The following A2M variants were observed in gnomAD, a reference collection of about 807,000 sequenced individuals.
The protein encoded by A2M is alpha-2-macroglobulin, also known as C3 and PZP-like alpha-2-macroglobulin domain-containing protein 5.
Under a neutral mutation model 183.9 loss-of-function variants are expected in A2M, and 128 were observed. The ratio of observed to expected loss-of-function variants is 0.70; its 90% CI spans 0.60 to 0.81. A2M has a LOEUF of 0.81. A2M is among the 30% of genes least tolerant of loss of function. The pLI, the probability that A2M is intolerant of heterozygous loss-of-function variation, is 0.00. For missense variants in A2M, 1,495 were observed against 1,787.6 expected (o/e 0.84, Z 2.95); for synonymous variants, 592 against 670.8 (o/e 0.88, Z 1.81).
intron 35 of A2M, 29 bp downstream of exon 35, chr12:9,068,154 T>G (rs1169855209): frequency 6.2e-7 from 1 of 1,611,646 alleles, no homozygotes; most frequent in Admixed American, 1.7e-5. Flanking sequence ...GAGCTCTGAC[T>G]GCCTTTTGGA....
rs1292403534 is a variant in A2M at position 9,093,699 on chromosome 12, AAGG to A, written c.2126-123_2126-121del. Reference sequence around the variant, plus strand: ...CAAATCGTCTGATGAAATAGAGAGGAAGGAGGAGAGGGCGCTTGGGTCATCAAG... The same window carrying A: ...CAAATCGTCTGATGAAATAGAGAGGAAGGAGAGGGCGCTTGGGTCATCAAG... On this transcript the variant is annotated intron_variant, in intron 17 of 35. Transcript: ENST00000318602. 5.2e-5 allele frequency: 30 copies of A among 580,120 alleles called. No homozygotes were observed. In the African/African-American group the frequency reaches 5.3e-4, roughly 10 times the overall value. 35.9% of individuals were successfully genotyped at this position (580,120 alleles called of 1,614,324 possible). A position where few individuals can be genotyped will look rare whatever the true frequency, so the allele number is the denominator to read the frequency against.
intron 2 of A2M, 90 bp from the exon 3 acceptor site, chr12:9,112,626 C>G: frequency 7.0e-7 from 1 of 1,433,494 alleles, no homozygotes; most frequent in Non-Finnish European, 9.6e-7. Context: ...GAGATCTTGC[C>G]CTTCTTACTT....
chr12:9,113,903 C>G (rs1019465471), intron 1 of A2M, among the ~76,000 whole-genome samples: 1 of 152,176 alleles, frequency 6.6e-6, no homozygotes, highest in African/African-American at 2.4e-5. Flanking sequence ...TAAGCAAGCT[C>G]TCAGTCATGC....
chr12:9,079,835 G>C lies in A2M; in HGVS notation c.2855-20C>G. On this transcript the variant is annotated intron_variant, in intron 23 of 35. Transcript: ENST00000318602. ...TGTCTCCTAGAGAATGGGAGAGATGGGAAGTCATAAAGCTTGGAGATTATC... is the reference window on the plus strand; with the variant it reads ...TGTCTCCTAGAGAATGGGAGAGATGCGAAGTCATAAAGCTTGGAGATTATC... 1 of 1,555,614 alleles carries C rather than the reference G, an allele frequency of 6.4e-7. No homozygotes were observed.
intron 5 of A2M, 80 bp from the exon 6 acceptor site, chr12:9,110,115 G>A: frequency 6.8e-7 from 1 of 1,477,672 alleles, no homozygotes; most frequent in Non-Finnish European, 9.2e-7. Flanking sequence ...GAAACCCTAA[G>A]TTATCTACAA....
intron 22 of A2M, among the ~76,000 whole-genome samples, chr12:9,087,068 CAAG>C (rs1432689898): frequency 5.9e-5 from 9 of 151,914 alleles, no homozygotes; most frequent in Non-Finnish European, 8.8e-5. Flanking sequence ...TAAATCTAAT[CAAG>C]GAGGTGAAAT....
intron 4 of A2M, 32 bp from the exon 5 acceptor site, chr12:9,110,366 T>C: frequency 7.5e-7 from 1 of 1,326,500 alleles, no homozygotes; most frequent in Non-Finnish European, 1.0e-6. Context: ...AAGTTTATAA[T>C]TATTTTCAAA....
rs987589858 is a variant in A2M at position 9,072,438 on chromosome 12, C to A, written c.4024G>T (p.Ala1342Ser). The A allele has an allele frequency of 5.0e-6, 8 of 1,613,334 alleles. No individual in the cohort carries two copies. The African/African-American group carries it at 1.1e-4, about 22-fold the overall frequency. ...TGAGGCAGAGTCTGCACTCCTAAAG[C>A]AAAGGGGAACTCTTCCTTTTCTGGG... ...ILPEKEEFPF[A>S]LGVQTLPQTC... The change falls in exon 31 of 36, where the codon GCT (alanine) becomes TCT (serine). Residue 1342 changes from alanine to serine, a missense_variant. By Grantham distance (99) the Ala-to-Ser change is moderately conservative (BLOSUM62 1). Transcript: ENST00000318602.
At chr12:9,111,868 T>A (rs1209260250) in intron 4 of A2M, 4 of 444,822 alleles carry the variant, frequency 9.0e-6, no homozygotes, top group African/African-American at 8.0e-5. Flanking sequence ...TTGAGGATTT[T>A]TCTGTGTCTG....
At chr12:9,108,405 C>T (rs1176869771) in intron 7 of A2M, among the ~76,000 whole-genome samples, 1 of 152,154 alleles carries the variant, frequency 6.6e-6, no homozygotes, top group South Asian at 2.1e-4. Flanking sequence ...GGATTACAGG[C>T]GTGAGCCACC....
chr12:9,107,799 A>G (rs1460268108), intron 7 of A2M, among the ~76,000 whole-genome samples, 155 bp from the exon 8 acceptor site: 1 of 152,198 alleles, frequency 6.6e-6, no homozygotes, highest in Non-Finnish European at 1.5e-5. Flanking sequence ...AAGAGTCACT[A>G]ATGGCTCTTA....
chr12:9,091,226 A>G lies in A2M; in HGVS notation c.2444T>C (p.Leu815Pro). 10 of 1,614,204 alleles carry G rather than the reference A, an allele frequency of 6.2e-6. No individual in the cohort carries two copies. Among genetic ancestry groups the G allele is most frequent in the Non-Finnish European group, 8.5e-6 (10 of 1,180,034 alleles). Residue 815 changes from leucine to proline, a missense_variant, in exon 19 of 36, where the codon CTA becomes CCA. Coordinates refer to ENST00000318602, the MANE Select transcript of A2M (RefSeq NM_000014.6). ...CCGGATGCATTTGGGAAGGTAGTTT[A>G]GGACCGTGGCCTTGAGTGTGAAGGC... ...GEAFTLKATV[L>P]NYLPKCIRVS... is the part of the protein sequence containing the mutation.
In A2M at chr12:9,109,946, G is replaced by A; in HGVS notation, c.594C>T (p.Pro198=). The A allele has an allele frequency of 1.2e-6, 2 of 1,614,012 alleles. No individual in the cohort carries two copies. The highest frequency in any genetic ancestry group is 2.2e-5 in the South Asian group (2 of 91,054). Residue 198 remains proline (P), a synonymous_variant, in exon 6 of 36, where the codon CCC becomes CCT. Coordinates refer to ENST00000318602, the MANE Select transcript of A2M (RefSeq NM_000014.6). ...CCACCACCTTGTAGGAGCCCTGGAA[G>A]GGCTCTGATGAGAGGGGAAAAGAAA... ...KQFSFPLSSE[P]FQGSYKVVVQ...
chr12:9,116,040 GC>G, upstream of A2M: 1 of 626,152 alleles, frequency 1.6e-6, no homozygotes, highest in Non-Finnish European at 3.0e-6. Flanking sequence ...GTCATTGATG[GC>G]CTATTTATAG....
Position 9,106,300 on chromosome 12 carries a change from A to T in A2M, c.1040T>A (p.Ile347Lys). ...CACTTTCACAAATGAGAGTTTGGTT[A>T]TGGTTCTTGTGATTTCACTGGACTG... The part of the protein sequence containing the change: ...GRQSSEITRT[I>K]TKLSFVKVDS... The change falls in exon 10 of 36, where the codon ATA becomes AAA. Residue 347 changes from isoleucine (I) to lysine (K), a missense_variant. Physicochemically the swap from Ile to Lys is moderately radical, Grantham distance 102. Transcript: ENST00000318602. 6.2e-7 allele frequency: 1 copy of T among 1,613,620 alleles called. No homozygotes were observed. The highest frequency in any genetic ancestry group is 8.5e-7 in the Non-Finnish European group (1 of 1,179,580).
intron 20 of A2M, 48 bp from the exon 21 acceptor site, chr12:9,090,071 A>T: frequency 6.4e-7 from 1 of 1,564,758 alleles, no homozygotes; most frequent in Non-Finnish European, 8.7e-7. Context: ...CCCTTCCTCC[A>T]TGCCTCCAAA....
chr12:9,098,535 A>G, intron 15 of A2M, 72 bp downstream of exon 15: 2 of 1,506,548 alleles, frequency 1.3e-6, no homozygotes, highest in Non-Finnish European at 1.8e-6. Flanking sequence ...TATCCTACTT[A>G]TCCAGTCATT....
chr12:9,090,227 TA>T, intron 20 of A2M, 128 bp downstream of exon 20: 1 of 1,476,010 alleles, frequency 6.8e-7, no homozygotes, highest in Non-Finnish European at 9.4e-7. Flanking sequence ...CATCTTAGAA[TA>T]AAAGGCAAAG....
intron 3 of A2M, 27 bp downstream of exon 3, chr12:9,112,350 T>G (rs226383): frequency 0.33 from 533,639 of 1,604,834 alleles, 92,575 homozygotes; most frequent in Admixed American, 0.38. Context: ...CTTTTTGAAG[T>G]TGTCCTGTCT....
Sources: allele counts gnomAD v4.1 joint callset (sites outside exome capture counted in the v4.1 genomes callset), GRCh38; gene constraint gnomAD v4.1.1; transcripts MANE v1.5; gene names NCBI Gene and HGNC (gene_info 2026-07-23, HGNC 2026-07-21).